NLRC5: variants seen among roughly 807,000 people sequenced by gnomAD.
The protein encoded by NLRC5 is NLR family CARD domain containing 5.
Under a neutral mutation model 206.9 loss-of-function variants are expected in NLRC5, and 114 were observed. That is an observed-to-expected ratio of 0.55 (90% confidence interval 0.47 to 0.64). The LOEUF (loss-of-function observed/expected upper bound fraction) is 0.64. Among genes scored for constraint, NLRC5 ranks in the 30% least tolerant of loss-of-function variants. NLRC5 has a pLI of 0.00. For synonymous variants in NLRC5, 952 were observed against 962.8 expected (o/e 0.99, Z 0.21); for missense variants, 2,008 against 2,305.5 (o/e 0.87, Z 2.64).
In NLRC5 at chr16:57,026,075, C is replaced by A. The variant is rs761237528; in HGVS notation, c.1132C>A (p.His378Asn). The A allele has an allele frequency of 7.4e-6, 12 of 1,614,020 alleles. No individual in the cohort carries two copies. Among genetic ancestry groups the A allele is most frequent in the African/African-American group, 1.3e-5 (1 of 74,948 alleles). Residue 378 changes from histidine (H) to asparagine (N), a missense_variant, in exon 6 of 49, where the codon CAC (histidine) becomes AAC (asparagine). Physicochemically the swap from His to Asn is moderately conservative, Grantham distance 68 (BLOSUM62 1). Transcript: ENST00000688547. The stretch of plus-strand genomic sequence containing the variant: ...GCCACGGGTGGAAGAATATGTGAAT[C>A]ACTTCTTCAGCGCCCAGCCATCGCG... ...DGPRVEEYVN[H>N]FFSAQPSREG...
rs931841694 is a variant in NLRC5 at position 57,045,595 on chromosome 16, G to A, written c.3248+103G>A. The A allele has an allele frequency of 5.5e-6, 6 of 1,092,690 alleles. No homozygotes were observed. The East Asian group carries it at 1.2e-4, about 22-fold the overall frequency. 67.7% of individuals were successfully genotyped at this position (1,092,690 alleles called of 1,614,324 possible). On this transcript the variant is annotated intron_variant, in intron 21 of 48. Coordinates refer to ENST00000688547, the MANE Select transcript of NLRC5 (RefSeq NM_001384950.1). ...ACCCATGCTGACCACTCAGCTCTCA[G>A]TTAAACCACCCAAGTCCGGCACACT...
chr16:57,073,500 C>T lies in NLRC5; in HGVS notation c.4668-1100C>T, dbSNP rs1287147319. Among the ~76,000 whole-genome samples, 5 of 152,312 alleles carry T rather than the reference C, an allele frequency of 3.3e-5. No individual in the cohort carries two copies. The East Asian group carries it at 5.8e-4, about 18-fold the overall frequency. On this transcript the variant is annotated intron_variant, in intron 38 of 48. Coordinates refer to ENST00000688547, the MANE Select transcript of NLRC5 (RefSeq NM_001384950.1). ...ACACTTCCAGTTTGCTTGGAGCTTT[C>T]CCCATTTTGGCACCCAAAGTCCCAC... is the stretch of plus-strand genomic sequence containing the variant.
At chr16:57,028,899 T>C (rs2061510402) in intron 8 of NLRC5, among the ~76,000 whole-genome samples, 2 of 152,186 alleles carry the variant, frequency 1.3e-5, no homozygotes, top group South Asian at 4.1e-4. Context: ...TAACTAAGCT[T>C]GTATGCACAA....
chr16:57,042,148 A>T, intron 19 of NLRC5, 83 bp downstream of exon 19: 1 of 875,126 alleles, frequency 1.1e-6, no homozygotes, highest in South Asian at 2.3e-5. Context: ...TCCTGGGGTT[A>T]TTGTAAAGAT....
chr16:57,070,966 G>T (rs1373041109), intron 38 of NLRC5, among the ~76,000 whole-genome samples: 1 of 92,484 alleles, frequency 1.1e-5, no homozygotes, highest in Non-Finnish European at 2.5e-5. Context: ...TGGGGAAGGA[G>T]ATGAGTGAGT....
intron 20 of NLRC5, 161 bp from the exon 21 acceptor site, chr16:57,045,278 GTGCTTTGCA>G: frequency 1.6e-6 from 1 of 613,414 alleles, no homozygotes. Context: ...TGTCGATGGT[GTGCTTTGCA>G]TGTGACTTGA....
At chr16:56,989,825 C>T (rs1474498358) in intron 1 of NLRC5, among the ~76,000 whole-genome samples, 1 of 152,186 alleles carries the variant, frequency 6.6e-6, no homozygotes, top group Non-Finnish European at 1.5e-5. Flanking sequence ...CAGCATGCGC[C>T]CCGGCAGTTT....
intron 1 of NLRC5, among the ~76,000 whole-genome samples, chr16:57,011,258 C>T (rs1443499613): frequency 6.6e-6 from 1 of 151,864 alleles, no homozygotes; most frequent in Non-Finnish European, 1.5e-5. Flanking sequence ...ACTAAAAATA[C>T]AAAAATTAGC....
intron 13 of NLRC5, among the ~76,000 whole-genome samples, chr16:57,035,491 C>T (rs2062438966): frequency 6.6e-6 from 1 of 152,188 alleles, no homozygotes; most frequent in South Asian, 2.1e-4. Flanking sequence ...ATCTCCAATC[C>T]AGACACACTG....
Position 57,027,055 on chromosome 16 carries a change from G to A in NLRC5, c.2075+37G>A, listed in dbSNP as rs74592648. The A allele has an allele frequency of 0.045, 71,995 of 1,586,900 alleles. 10,764 individuals carry two copies. In the East Asian group the frequency reaches 0.56, roughly 12 times the overall value. On this transcript the variant is annotated intron_variant, in intron 6 of 48. Transcript: ENST00000688547. ...TGGAGGAGGACCGGGGAGGGGATTG[G>A]GCTTTTGGGGGAGCAGAGGCCAACC...
rs769612870 is a variant in NLRC5, at chr16:57,026,580, G to A, written c.1637G>A (p.Arg546His). The change falls in exon 6 of 49, where the codon CGC becomes CAC. Residue 546 changes from arginine to histidine, a missense_variant. Physicochemically the swap from Arg to His is conservative, Grantham distance 29. Coordinates refer to ENST00000688547, the MANE Select transcript of NLRC5 (RefSeq NM_001384950.1). Reference protein sequence around the residue: ...TLTQYVTLHSRWVQRTKARLG... With the variant: ...TLTQYVTLHSHWVQRTKARLG... Reference sequence around the variant, plus strand: ...ACCCAGTATGTTACCCTCCATTCCCGCTGGGTACAGCGGACCAAAGCTAGA... The same window carrying A: ...ACCCAGTATGTTACCCTCCATTCCCACTGGGTACAGCGGACCAAAGCTAGA... 6.8e-6 allele frequency: 11 copies of A among 1,614,048 alleles called. No individual in the cohort carries two copies. The highest frequency in any genetic ancestry group is 2.2e-5 in the South Asian group (2 of 91,092).
chr16:57,029,690 G>C, intron 8 of NLRC5, 83 bp from the exon 9 acceptor site: 11 of 1,099,660 alleles, frequency 1.0e-5, no homozygotes, highest in Non-Finnish European at 1.4e-5. Context: ...CCACATGAGG[G>C]TGGCCATCCT....
intron 12 of NLRC5, 50 bp from the exon 13 acceptor site, chr16:57,034,118 G>C: frequency 6.6e-7 from 1 of 1,506,238 alleles, no homozygotes; most frequent in South Asian, 1.2e-5. Flanking sequence ...AGGGGCCATG[G>C]AGTAGGGGCT....
chr16:57,004,713 G>A (rs1314437598), intron 1 of NLRC5: 2 of 152,318 alleles, frequency 1.3e-5, no homozygotes, highest in African/African-American at 2.4e-5. Context: ...TGGGCTGCAG[G>A]GAGAGAACAA....
chr16:57,046,777 A>G lies in NLRC5; in HGVS notation c.3338+136A>G, dbSNP rs554269721. On this transcript the variant is annotated intron_variant, in intron 22 of 48. Coordinates refer to ENST00000688547, the MANE Select transcript of NLRC5 (RefSeq NM_001384950.1). ...GGAGTTTAAGAGAAAAGGAAAAGAA[A>G]GAGGCGTGGGTGTGAGGGGTGCTGG... The G allele has an allele frequency of 6.9e-6, 5 of 728,032 alleles. No homozygotes were observed. The Admixed American group carries it at 1.5e-4, about 22-fold the overall frequency. The allele number at this position is 728,032 out of a possible 1,614,324, so 45.1% of individuals were successfully genotyped here.
At chr16:57,009,259 C>T (rs552020931) in intron 1 of NLRC5, among the ~76,000 whole-genome samples, 1 of 151,776 alleles carries the variant, frequency 6.6e-6, no homozygotes, top group East Asian at 1.9e-4. Context: ...CCATTGCTCT[C>T]CAGCCTGGGT....
At position 57,025,535 on chromosome 16, in the gene NLRC5, G is replaced by C; in HGVS notation, c.592G>C (p.Asp198His). ...LDTPEGAIMG[D>H]VKVEDGADVS... ...CACTCCGGAGGGGGCCATTATGGGG[G>C]ACGTCAAGGTGGAAGATGGTGCTGA... The change falls in exon 6 of 49, where the codon GAC becomes CAC. Residue 198 changes from aspartate (D) to histidine (H), a missense_variant. By Grantham distance (81) the Asp-to-His change is moderately conservative. Coordinates refer to ENST00000688547, the MANE Select transcript of NLRC5 (RefSeq NM_001384950.1). 6.2e-7 allele frequency: 1 copy of C among 1,613,624 alleles called. No individual in the cohort carries two copies. Among genetic ancestry groups the C allele is most frequent in the Non-Finnish European group, 8.5e-7 (1 of 1,179,680 alleles).
intron 1 of NLRC5, among the ~76,000 whole-genome samples, chr16:56,992,873 CTTA>C (rs10565089): frequency 0.24 from 36,480 of 151,922 alleles, 5,383 homozygotes; most frequent in East Asian, 0.34. Flanking sequence ...GAAATTAAAT[CTTA>C]TTATATCATG....
At chr16:57,021,823 G>A (rs573705279) in intron 3 of NLRC5, among the ~76,000 whole-genome samples, 1 of 152,320 alleles carries the variant, frequency 6.6e-6, no homozygotes, top group Admixed American at 6.5e-5. Flanking sequence ...GGGCAACAGC[G>A]TTTTTGGAGA....
Sources: allele counts gnomAD v4.1 joint callset (sites outside exome capture counted in the v4.1 genomes callset), GRCh38; gene constraint gnomAD v4.1.1; transcripts MANE v1.5; gene names NCBI Gene and HGNC (gene_info 2026-07-23, HGNC 2026-07-21).